The following CIB2 variants were observed in gnomAD, a reference collection of about 807,000 sequenced individuals.
The protein encoded by CIB2 is calcium and integrin binding family member 2.
A neutral mutation model predicts 23.1 loss-of-function variants in CIB2; 19 were observed. The observed-to-expected ratio is 0.82, with a 90% confidence interval of 0.57 to 1.21. The LOEUF (loss-of-function observed/expected upper bound fraction) is 1.21, where lower values mean the gene tolerates loss of function less well. Among genes scored for constraint, CIB2 ranks in the 50% most tolerant of loss-of-function variants. The probability of loss-of-function intolerance (pLI) is 0.00; values close to 1 mark genes in which losing one functional copy is unlikely to be tolerated. For missense variants in CIB2, 220 were observed against 241.5 expected, an observed-to-expected ratio of 0.91 and a Z score of 0.59; for synonymous variants, 94 against 91.7, an observed-to-expected ratio of 1.03 and a Z score of -0.14.
intron 5 of CIB2, 103 bp downstream of exon 5, chr15:78,105,636 G>C (rs755855271): frequency 1.3e-6 from 2 of 1,588,736 alleles, no homozygotes; most frequent in Non-Finnish European, 1.7e-6. Context: ...CTTCCTGGCC[G>C]CACACCACTG....
chr15:78,107,407 C>A (rs544381354), intron 4 of CIB2, among the ~76,000 whole-genome samples: 1 of 152,256 alleles, frequency 6.6e-6, no homozygotes, highest in East Asian at 1.9e-4. Context: ...CATCTCTGCC[C>A]ATGGCATGGG....
chr15:78,131,120 C>G lies in CIB2; in HGVS notation c.51+45G>C, dbSNP rs1367412215. 5.0e-6 allele frequency: 7 copies of G among 1,398,294 alleles called. No homozygotes were observed. The highest frequency in any genetic ancestry group is 1.2e-5 in the South Asian group (1 of 80,928). The allele number at this position is 1,398,294 out of a possible 1,614,324, so 86.6% of individuals were successfully genotyped here. A position where few individuals can be genotyped will look rare whatever the true frequency, so the allele number is the denominator to read the frequency against. ...AGCGACCGAGAAAAGGGAGGGGCGG[C>G]GGGGCGGCGGGGCCTGTGTTGGGGG... On this transcript the variant is annotated intron_variant, in intron 1 of 5. Coordinates refer to ENST00000258930, the MANE Select transcript of CIB2 (RefSeq NM_006383.4). This position sits in a 1 kb window ranked among gnomAD's most constrained non-coding sequence, Gnocchi z 5.8.
chr15:78,120,199 C>A (rs781021298), intron 2 of CIB2, among the ~76,000 whole-genome samples: 1 of 152,060 alleles, frequency 6.6e-6, no homozygotes, highest in Non-Finnish European at 1.5e-5. Context: ...CCAACGTACC[C>A]GACCACAATC....
chr15:78,125,030 TTA>T (rs774740668), intron 1 of CIB2, among the ~76,000 whole-genome samples: 5 of 151,926 alleles, frequency 3.3e-5, no homozygotes, highest in African/African-American at 4.8e-5. Flanking sequence ...TCCCTGGGAG[TTA>T]GACTAAGGAT....
chr15:78,114,387 G>A (rs945467202), intron 2 of CIB2, among the ~76,000 whole-genome samples: 5 of 152,152 alleles, frequency 3.3e-5, no homozygotes, highest in African/African-American at 1.2e-4. Flanking sequence ...CATTGTCAAA[G>A]AACCACATCT....
At chr15:78,121,759 T>C (rs1450447925) in intron 2 of CIB2, among the ~76,000 whole-genome samples, 1 of 152,186 alleles carries the variant, frequency 6.6e-6, no homozygotes, top group East Asian at 1.9e-4. Flanking sequence ...TTAAACCTCT[T>C]TCCTTTATAA....
chr15:78,117,006 A>G (rs2074249449), intron 2 of CIB2, among the ~76,000 whole-genome samples: 1 of 151,850 alleles, frequency 6.6e-6, no homozygotes, highest in East Asian at 1.9e-4. Context: ...AAAATGTACT[A>G]ATTTTGAAGT....
At chr15:78,115,676 CTTTTTT>C (rs56754406) in intron 2 of CIB2, among the ~76,000 whole-genome samples, 3 of 71,316 alleles carry the variant, frequency 4.2e-5, no homozygotes, top group Admixed American at 1.9e-4. Flanking sequence ...ATCTCCTTCT[CTTTTTT>C]TTTTTTTTTT....
Position 78,105,071 on chromosome 15 carries a change from G to C in CIB2, c.*240C>G. ...CTGGGGCATGGGGCGGGGTGCGGAG[G>C]GCCTGGAGAGAGGCCATGGGTCCCG... On this transcript the variant is annotated 3_prime_UTR_variant, in exon 6 of 6. Coordinates refer to ENST00000258930, the MANE Select transcript of CIB2 (RefSeq NM_006383.4). 3.6e-6 allele frequency: 2 copies of C among 554,552 alleles called. No individual in the cohort carries two copies. Among genetic ancestry groups the C allele is most frequent in the South Asian group, 2.1e-5 (1 of 48,266 alleles). The allele number at this position is 554,552 out of a possible 1,614,324, so 34.4% of individuals were successfully genotyped here. A position where few individuals can be genotyped will look rare whatever the true frequency, so the allele number is the denominator to read the frequency against.
In CIB2 at chr15:78,105,549, GTCT is replaced by G. The variant is rs1596344961; in HGVS notation, c.542+187_542+189del. ...CACTTATCACTGAAGGGGCCCCCAG[GTCT>G]TCAACCTTCCCCCTGCAGGGGACAA... On this transcript the variant is annotated intron_variant, in intron 5 of 5. Coordinates refer to ENST00000258930, the MANE Select transcript of CIB2 (RefSeq NM_006383.4). 3 of 1,479,398 alleles carry G rather than the reference GTCT, an allele frequency of 2.0e-6. No individual in the cohort carries two copies. The East Asian group carries it at 7.4e-5, about 36-fold the overall frequency. 91.6% of individuals were successfully genotyped at this position (1,479,398 alleles called of 1,614,324 possible).
At chr15:78,128,773 T>C (rs912363307) in intron 1 of CIB2, among the ~76,000 whole-genome samples, 5 of 121,824 alleles carry the variant, frequency 4.1e-5, no homozygotes, top group African/African-American at 1.5e-4. Flanking sequence ...TGGAGGGGGA[T>C]GGGCAGGAGG....
At chr15:78,105,678 C>T in intron 5 of CIB2, 61 bp downstream of exon 5, 1 of 1,610,112 alleles carries the variant, frequency 6.2e-7, no homozygotes, top group Non-Finnish European at 8.5e-7. Context: ...GGGCCTCAGC[C>T]CCAACATCCC....
At chr15:78,106,737 A>G (rs2074076401) in intron 4 of CIB2, among the ~76,000 whole-genome samples, 1 of 152,056 alleles carries the variant, frequency 6.6e-6, no homozygotes, top group Non-Finnish European at 1.5e-5. Context: ...TGGCTCACAC[A>G]TCACCTCCCA....
intron 2 of CIB2, among the ~76,000 whole-genome samples, chr15:78,117,587 G>A (rs927205211): frequency 1.1e-4 from 16 of 152,256 alleles, no homozygotes; most frequent in East Asian, 5.8e-4. Flanking sequence ...AAATTACGTC[G>A]AAATAATAAA....
intron 2 of CIB2, among the ~76,000 whole-genome samples, chr15:78,115,607 A>C (rs950370923): frequency 6.6e-6 from 1 of 151,890 alleles, no homozygotes; most frequent in Non-Finnish European, 1.5e-5. Flanking sequence ...AAAAAACTTA[A>C]AATTCTTAGT....
chr15:78,112,175 C>G (rs1250150313), intron 2 of CIB2, among the ~76,000 whole-genome samples: 1 of 152,176 alleles, frequency 6.6e-6, no homozygotes, highest in Non-Finnish European at 1.5e-5. Context: ...CGCCCCCTGC[C>G]CATTATTCAG....
At chr15:78,113,536 CT>C (rs71145895) in intron 2 of CIB2, among the ~76,000 whole-genome samples, 68,464 of 144,082 alleles carry the variant, frequency 0.48, 16,405 homozygotes, top group East Asian at 0.7. Flanking sequence ...TTCTTTCTTT[CT>C]TTTTTTTTTT....
rs749299160 is a variant in CIB2 at position 78,111,192 on chromosome 15, G to T, written c.171C>A (p.Ser57Arg). 3 of 1,614,170 alleles carry T rather than the reference G, an allele frequency of 1.9e-6. No homozygotes were observed. The highest frequency in any genetic ancestry group is 2.2e-5 in the South Asian group (2 of 91,092). ...RKSPIVHVPM[S>R]LIIQMPELRE... Reference sequence around the variant, plus strand: ...GGAGCTCTGGCATCTGGATGATGAGGCTCATGGGCACGTGGACGATGGGGC... The same window carrying T: ...GGAGCTCTGGCATCTGGATGATGAGTCTCATGGGCACGTGGACGATGGGGC... The change falls in exon 3 of 6, where the codon AGC becomes AGA. Residue 57 changes from serine to arginine, a missense_variant. By Grantham distance (110) the Ser-to-Arg change is moderately radical. Coordinates refer to ENST00000258930, the MANE Select transcript of CIB2 (RefSeq NM_006383.4).
rs2141891583 is a variant in CIB2 at position 78,111,255 on chromosome 15, C to T, written c.108G>A (p.Glu36=). ...CCATTGGGACGAGGTTGGGGGCCAG[C>T]TCATAGAATCGCGAATGCAGCCTTG... ...DILKLHSRFY[E]LAPNLVPMDY... The change falls in exon 3 of 6, where the codon GAG becomes GAA. Residue 36 remains glutamate (E), a synonymous_variant. Coordinates refer to ENST00000258930, the MANE Select transcript of CIB2 (RefSeq NM_006383.4). The T allele has an allele frequency of 1.9e-6, 3 of 1,614,034 alleles. No homozygotes were observed. The South Asian group carries it at 3.3e-5, about 18-fold the overall frequency.
Sources: allele counts gnomAD v4.1 joint callset (sites outside exome capture counted in the v4.1 genomes callset), GRCh38; gene constraint gnomAD v4.1.1; non-coding constraint Gnocchi (gnomAD v3.1); transcripts MANE v1.5; gene names NCBI Gene and HGNC (gene_info 2026-07-23, HGNC 2026-07-21).